CUL3: variants seen among roughly 807,000 people sequenced by gnomAD.
The protein encoded by CUL3 is cullin-3.
A neutral mutation model predicts 89.1 loss-of-function variants in CUL3; 19 were observed. The observed-to-expected ratio is 0.21, with a 90% CI of 0.15 to 0.31. The LOEUF (loss-of-function observed/expected upper bound fraction) is 0.31, where lower values mean the gene tolerates loss of function less well. CUL3 is among the 10% of genes least tolerant of loss of function. CUL3 has a pLI of 1.00. For missense variants in CUL3, 469 were observed against 942.3 expected (o/e 0.50, Z 6.58); for synonymous variants, 351 against 308.4 (o/e 1.14, Z -1.45).
At chr2:224,508,961 CAAAA>C in intron 6 of CUL3, among the ~76,000 whole-genome samples, 1 of 112,878 alleles carries the variant, frequency 8.9e-6, no homozygotes, top group South Asian at 2.9e-4. Context: ...GACTTCGTCT[CAAAA>C]AAAAAAAAAG....
In CUL3 at chr2:224,485,668, A is replaced by T. The variant is rs952732120; in HGVS notation, c.1843-3590T>A. ...GGGACAGAGCACCTGGGAAGAAGGCAGCTATGGGCCCAGCTTCAGCAGAAT... is the reference window on the plus strand; with the variant it reads ...GGGACAGAGCACCTGGGAAGAAGGCTGCTATGGGCCCAGCTTCAGCAGAAT... On this transcript the variant is annotated intron_variant, in intron 13 of 15. Transcript: ENST00000264414. The surrounding 1 kb of genome is among the most constrained non-coding windows in gnomAD (Gnocchi z 4.1). Among the ~76,000 whole-genome samples, 1 of 152,222 alleles carries T rather than the reference A, an allele frequency of 6.6e-6. No individual in the cohort carries two copies. Among genetic ancestry groups the T allele is most frequent in the African/African-American group, 2.4e-5 (1 of 41,452 alleles).
chr2:224,490,516 C>CG (rs1691927872), intron 13 of CUL3, among the ~76,000 whole-genome samples: 1 of 151,976 alleles, frequency 6.6e-6, no homozygotes, highest in African/African-American at 2.4e-5. Flanking sequence ...AGTGGTCCCC[C>CG]GGGCCCAGCT....
intron 3 of CUL3, among the ~76,000 whole-genome samples, chr2:224,515,548 C>T (rs1356367655): frequency 2.6e-5 from 4 of 152,108 alleles, no homozygotes; most frequent in Admixed American, 1.3e-4. Flanking sequence ...TGTTTGTTCA[C>T]GCTTAAGTAC....
chr2:224,514,840 A>G, intron 3 of CUL3, 68 bp from the exon 4 acceptor site: 1 of 1,121,404 alleles, frequency 8.9e-7, no homozygotes, highest in South Asian at 1.7e-5. Flanking sequence ...GTGCTACAAT[A>G]ACAAATAAAG....
At chr2:224,564,323 T>C (rs1694987742) in intron 1 of CUL3, among the ~76,000 whole-genome samples, 1 of 152,108 alleles carries the variant, frequency 6.6e-6, no homozygotes, top group South Asian at 2.1e-4. Context: ...CACGAAACTG[T>C]GGAGAAGGAA....
intron 3 of CUL3, among the ~76,000 whole-genome samples, chr2:224,528,653 A>T (rs1342128994): frequency 6.6e-6 from 1 of 152,014 alleles, no homozygotes; most frequent in East Asian, 1.9e-4. Context: ...ACCAAAAGAG[A>T]GTTTCTCAGC....
intron 13 of CUL3, among the ~76,000 whole-genome samples, chr2:224,493,395 T>A (rs902000871): frequency 2.0e-5 from 3 of 152,206 alleles, no homozygotes; most frequent in East Asian, 3.8e-4. Flanking sequence ...TGGTGTTGAG[T>A]AAAGACACAT....
At chr2:224,561,572 G>A (rs1278648155) in intron 1 of CUL3, among the ~76,000 whole-genome samples, 1 of 152,140 alleles carries the variant, frequency 6.6e-6, no homozygotes, top group Non-Finnish European at 1.5e-5. Flanking sequence ...AGCTTGAGAA[G>A]GAACTTTAAC....
chr2:224,533,070 A>AAAT, intron 3 of CUL3: 1 of 152,342 alleles, frequency 6.6e-6, no homozygotes, highest in South Asian at 2.1e-4. Flanking sequence ...GTCTGAAGAG[A>AAAT]AATAACTGCT....
At chr2:224,526,629 A>ATG (rs1693491508) in intron 3 of CUL3, among the ~76,000 whole-genome samples, 1 of 150,950 alleles carries the variant, frequency 6.6e-6, no homozygotes, top group African/African-American at 2.4e-5. Flanking sequence ...AAAACAAATA[A>ATG]TGTGCTCTAT....
At chr2:224,493,321 TGGA>T (rs1692054021) in intron 13 of CUL3, among the ~76,000 whole-genome samples, 1 of 152,216 alleles carries the variant, frequency 6.6e-6, no homozygotes, top group Non-Finnish European at 1.5e-5. Flanking sequence ...CACTAATTTG[TGGA>T]GGTGATTTCT....
At position 224,471,887 on chromosome 2, in the gene CUL3, C is replaced by T. The variant is rs1691144466; in HGVS notation, c.*2358G>A. ...TCCTTAAAAGTCTTCTAATAAATCA[C>T]CAAAATTTCTCTGCACCAACAGGAT... On this transcript the variant is annotated 3_prime_UTR_variant, in exon 16 of 16. Transcript: ENST00000264414. The T allele has an allele frequency of 4.3e-6, 1 of 230,654 alleles. No homozygotes were observed. Among genetic ancestry groups the T allele is most frequent in the Non-Finnish European group, 8.6e-6 (1 of 116,590 alleles). The allele number at this position is 230,654 out of a possible 1,614,324, so 14.3% of individuals were successfully genotyped here. A position where few individuals can be genotyped will look rare whatever the true frequency, so the allele number is the denominator to read the frequency against.
chr2:224,514,117 C>T (rs1692944563), intron 4 of CUL3, among the ~76,000 whole-genome samples: 1 of 152,122 alleles, frequency 6.6e-6, no homozygotes, highest in South Asian at 2.1e-4. Context: ...GAAAAAAAAT[C>T]ATGCATTTCA....
At chr2:224,522,611 A>G (rs1693307859) in intron 3 of CUL3, among the ~76,000 whole-genome samples, 1 of 152,286 alleles carries the variant, frequency 6.6e-6, no homozygotes, top group Non-Finnish European at 1.5e-5. Context: ...GCGGATCATG[A>G]GGTCAGGAGA....
At chr2:224,518,890 G>T (rs1237012905) in intron 3 of CUL3, among the ~76,000 whole-genome samples, 2 of 152,188 alleles carry the variant, frequency 1.3e-5, no homozygotes, top group East Asian at 3.8e-4. Flanking sequence ...ACTAAAGGAG[G>T]TAAATCTATT....
chr2:224,533,906 TCA>T (rs1693783797), intron 3 of CUL3, among the ~76,000 whole-genome samples: 1 of 152,168 alleles, frequency 6.6e-6, no homozygotes, highest in Admixed American at 6.5e-5. Flanking sequence ...CTGACTGAAT[TCA>T]CAGAGCAGAA....
intron 3 of CUL3, among the ~76,000 whole-genome samples, chr2:224,529,853 G>A (rs371566646): frequency 8.8e-4 from 134 of 152,256 alleles, no homozygotes; most frequent in African/African-American, 3.1e-3. Context: ...TTACCTCCAT[G>A]TAACCTGTGA....
intron 5 of CUL3, among the ~76,000 whole-genome samples, chr2:224,512,398 C>T (rs1692865384): frequency 6.6e-6 from 1 of 152,102 alleles, no homozygotes; most frequent in African/African-American, 2.4e-5. Context: ...GCCCGGCCAA[C>T]ACTTTAGCTT....
chr2:224,487,095 C>T lies in CUL3; in HGVS notation c.1843-5017G>A, dbSNP rs371171402. Among the ~76,000 whole-genome samples the T allele has an allele frequency of 2.2e-3, 331 of 152,238 alleles. 4 individuals carry two copies. The highest frequency in any genetic ancestry group is 7.1e-3 in the African/African-American group (297 of 41,548). On this transcript the variant is annotated intron_variant, in intron 13 of 15. Coordinates refer to ENST00000264414, the MANE Select transcript of CUL3 (RefSeq NM_003590.5). The stretch of plus-strand genomic sequence containing the variant: ...GGGATTCTGTCACCACCAGGTCTGC[C>T]TTACAAGGGCTTCTGAAGGAAGCAC...
Sources: allele counts gnomAD v4.1 joint callset (sites outside exome capture counted in the v4.1 genomes callset), GRCh38; gene constraint gnomAD v4.1.1; non-coding constraint Gnocchi (gnomAD v3.1); transcripts MANE v1.5; gene names NCBI Gene and HGNC (gene_info 2026-07-23, HGNC 2026-07-21).